The following PHEX variants were observed in gnomAD, a reference collection of about 807,000 sequenced individuals.
PHEX encodes the protein phosphate regulating endopeptidase X-linked.
PHEX carries 16 observed loss-of-function variants against 68.0 expected under a neutral mutation model. The ratio of observed to expected loss-of-function variants is 0.24; its 90% confidence interval spans 0.16 to 0.36. The LOEUF is 0.36. Among genes scored for constraint, PHEX ranks in the 10% least tolerant of loss-of-function variants. The pLI is 1.00. For missense variants in PHEX, 480 were observed against 575.5 expected (o/e 0.83, Z 1.70); for synonymous variants, 208 against 205.1 (o/e 1.01, Z -0.12).
At chrX:22,142,167 G>A (rs933739625) in intron 12 of PHEX, among the ~76,000 whole-genome samples, 23 of 111,833 alleles carry the variant, frequency 2.1e-4, no homozygotes, top group Non-Finnish European at 2.4e-4. Flanking sequence ...CAGGAGAATC[G>A]CTTGAACCCG....
rs180865937 is a variant in PHEX at position 22,219,711 on chromosome X, C to T, written c.1768+608C>T. On this transcript the variant is annotated intron_variant, in intron 17 of 21. Transcript: ENST00000379374. ...TCGGCTCACTGCAACCTCGGCCTCC[C>T]GTGTTCAAGTGATTCTCCTGCCTCA... Among the ~76,000 whole-genome samples, 223 of 111,676 alleles carry T rather than the reference C, an allele frequency of 2.0e-3. 3 individuals are homozygous for T. The Admixed American group carries it at 0.02, about 10-fold the overall frequency.
chrX:22,183,155 T>G (rs1933931490), intron 14 of PHEX, among the ~76,000 whole-genome samples: 2 of 110,863 alleles, frequency 1.8e-5, no homozygotes, highest in South Asian at 7.8e-4. Flanking sequence ...GTTTTTATGC[T>G]GCCTAGTCTT....
At chrX:22,148,189 C>T (rs892732791) in intron 12 of PHEX, among the ~76,000 whole-genome samples, 2 of 110,937 alleles carry the variant, frequency 1.8e-5, no homozygotes, top group African/African-American at 6.6e-5. Context: ...TGTGGCTGGA[C>T]GTCCAAGGTG....
At chrX:22,196,454 C>A (rs1047067364) in intron 15 of PHEX, among the ~76,000 whole-genome samples, 2 of 112,101 alleles carry the variant, frequency 1.8e-5, no homozygotes, top group African/African-American at 6.5e-5. Flanking sequence ...CAGCCATAGA[C>A]AGTTCATAAA....
In PHEX at chrX:22,249,453, AAAATAT is replaced by A. The variant is rs1193289515; in HGVS notation, c.*1502_*1507del. On this transcript the variant is annotated 3_prime_UTR_variant, in exon 22 of 22. Coordinates refer to ENST00000379374, the MANE Select transcript of PHEX (RefSeq NM_000444.6). ...ATTTGTGATTCTTTTAAAAAAAAAA[AAAATAT>A]ATATATATATATATATATATATATA... 2.1e-4 allele frequency: 6 copies of A among 28,043 alleles called. No homozygotes were observed. Among genetic ancestry groups the A allele is most frequent in the South Asian group, 1.5e-3 (1 of 681 alleles). The allele number at this position is 28,043 out of a possible 1,213,427, so 2.3% of individuals were successfully genotyped here.
intron 3 of PHEX, among the ~76,000 whole-genome samples, chrX:22,062,619 A>G (rs148701747): frequency 2.7e-5 from 3 of 111,523 alleles, no homozygotes; most frequent in African/African-American, 9.8e-5. Flanking sequence ...TGAAAAGTAC[A>G]ATTCTAGAGT....
chrX:22,108,921 G>A (rs1176470003), intron 9 of PHEX, among the ~76,000 whole-genome samples: 5 of 96,421 alleles, frequency 5.2e-5, no homozygotes, highest in African/African-American at 4.2e-5. Flanking sequence ...CAGCTTGGGC[G>A]ACAGAGCAAG....
intron 5 of PHEX, among the ~76,000 whole-genome samples, chrX:22,089,225 T>C (rs1386476652): frequency 9.0e-6 from 1 of 111,658 alleles, no homozygotes; most frequent in East Asian, 2.8e-4. Flanking sequence ...TTTTACCGTG[T>C]TGGCCAGGCT....
At chrX:22,125,690 G>A (rs745541418) in intron 11 of PHEX, among the ~76,000 whole-genome samples, 15 of 111,630 alleles carry the variant, frequency 1.3e-4, no homozygotes, top group Non-Finnish European at 2.1e-4. Flanking sequence ...CATTTGCTGT[G>A]AACCTTGTCC....
intron 17 of PHEX, among the ~76,000 whole-genome samples, chrX:22,219,613 T>G (rs1432806496): frequency 9.9e-6 from 1 of 101,089 alleles, no homozygotes; most frequent in African/African-American, 3.9e-5. Context: ...ATATTCTGAT[T>G]ATTATTATTA....
chrX:22,174,391 T>C (rs1933635295), intron 13 of PHEX, among the ~76,000 whole-genome samples: 1 of 112,305 alleles, frequency 8.9e-6, no homozygotes, highest in Non-Finnish European at 1.9e-5. Context: ...TTCTCAATAG[T>C]TGCTGGGTTT....
At chrX:22,201,494 C>CTATTCT (rs780368011) in intron 15 of PHEX, among the ~76,000 whole-genome samples, 12,973 of 110,746 alleles carry the variant, frequency 0.12, 853 homozygotes, top group African/African-American at 0.24. Context: ...CCTGCTACAC[C>CTATTCT]GATTTTAAGG....
At chrX:22,175,174 C>T (rs1933657857) in intron 13 of PHEX, among the ~76,000 whole-genome samples, 1 of 111,882 alleles carries the variant, frequency 8.9e-6, no homozygotes, top group Admixed American at 9.5e-5. Context: ...AAGAAATATT[C>T]TCAACTTAAT....
chrX:22,192,976 A>AT (rs1180799585), intron 15 of PHEX, among the ~76,000 whole-genome samples: 3 of 110,590 alleles, frequency 2.7e-5, no homozygotes, highest in African/African-American at 9.9e-5. Flanking sequence ...AGATGGCGGG[A>AT]TTTTTTTATT....
intron 18 of PHEX, among the ~76,000 whole-genome samples, chrX:22,223,920 G>A (rs1602408069): frequency 8.9e-6 from 1 of 112,759 alleles, no homozygotes; most frequent in Non-Finnish European, 1.9e-5. Flanking sequence ...AGTGACATGC[G>A]AGCAGTTTAC....
intron 12 of PHEX, among the ~76,000 whole-genome samples, chrX:22,141,341 T>C (rs1362460820): frequency 9.0e-6 from 1 of 111,697 alleles, no homozygotes; most frequent in Non-Finnish European, 1.9e-5. Context: ...CTGTGCACAA[T>C]ATTCTAGGTA....
intron 12 of PHEX, among the ~76,000 whole-genome samples, chrX:22,163,615 A>T (rs10126508): frequency 9.0e-6 from 1 of 110,920 alleles, no homozygotes; most frequent in African/African-American, 3.3e-5. Context: ...GATCAGCCAC[A>T]AACAGCCTAG....
In PHEX at chrX:22,087,911, A is replaced by G. The variant is rs1265606673; in HGVS notation, c.664-2518A>G. 3.6e-5 allele frequency among the ~76,000 whole-genome samples: 4 copies of G among 112,092 alleles called. No homozygotes were observed. In the East Asian group the frequency reaches 8.3e-4, roughly 23 times the overall value. ...AAGGTGCTGGAAATTTTTTTAAAGT[A>G]TCTTAAAATTTACATAAATTCATTT... On this transcript the variant is annotated intron_variant, in intron 5 of 21. Coordinates refer to ENST00000379374, the MANE Select transcript of PHEX (RefSeq NM_000444.6).
At chrX:22,154,914 C>CATTG (rs1484075291) in intron 12 of PHEX, among the ~76,000 whole-genome samples, 1 of 111,952 alleles carries the variant, frequency 8.9e-6, no homozygotes, top group African/African-American at 3.3e-5. Context: ...TTCCCACTTG[C>CATTG]ATTGATTGAT....
Sources: gnomAD v4.1 joint callset for allele counts (sites outside exome capture counted in the v4.1 genomes callset) on GRCh38, gnomAD v4.1.1 for gene constraint, MANE v1.5 for transcripts, NCBI Gene and HGNC (gene_info 2026-07-23, HGNC 2026-07-21) for gene names.